The following OCM variants were observed in gnomAD, a reference collection of about 807,000 sequenced individuals.
OCM encodes the protein oncomodulin.
In OCM, 18 loss-of-function variants were observed where a neutral mutation model predicts 14.1. The observed-to-expected ratio is 1.28, with a 90% CI of 0.88 to 1.89. OCM has a LOEUF of 1.89. Among genes scored for constraint, OCM ranks in the 40% most tolerant of loss-of-function variants. OCM has a pLI of 0.00. For missense variants in OCM, 140 were observed against 137.6 expected, an observed-to-expected ratio of 1.02 and a Z score of -0.09; for synonymous variants, 48 against 51.0, an observed-to-expected ratio of 0.94 and a Z score of 0.25.
At chr7:5,869,599 G>T in the OCM span, among the ~76,000 whole-genome samples, 2 of 151,878 alleles carry the variant, frequency 1.3e-5, no homozygotes, top group Non-Finnish European at 2.9e-5. Flanking sequence ...ATCTAAAAAA[G>T]AAAATTTAAA....
the OCM span, among the ~76,000 whole-genome samples, chr7:5,861,375 C>T: frequency 1.3e-5 from 2 of 151,274 alleles, no homozygotes; most frequent in Admixed American, 6.6e-5. Flanking sequence ...GAGCTGAGAT[C>T]GCACCATTGC....
intron 3 of OCM, among the ~76,000 whole-genome samples, chr7:5,885,861 G>A (rs1054505451): frequency 1.3e-5 from 2 of 152,070 alleles, no homozygotes; most frequent in African/African-American, 2.4e-5. Context: ...CACCCGCCTC[G>A]GCCTCCCAAA....
the OCM span, among the ~76,000 whole-genome samples, chr7:5,873,931 C>T: frequency 4.6e-5 from 7 of 151,440 alleles, no homozygotes; most frequent in Non-Finnish European, 7.4e-5. Context: ...ACAAGGGCAG[C>T]CAGGCTGGGC....
chr7:5,882,112 A>G lies in OCM; in HGVS notation c.62-381A>G, dbSNP rs1297440065. Among the ~76,000 whole-genome samples, 60 of 148,092 alleles carry G rather than the reference A, an allele frequency of 4.1e-4. 7 individuals carry two copies. Among genetic ancestry groups the G allele is most frequent in the Middle Eastern group, 3.5e-3 (1 of 288 alleles). ...AAAAAAAAAAAAAAAAAAAAAAAAA[A>G]AAAAAAAGCGCCAAAGGCCATTTAG... On this transcript the variant is annotated intron_variant, in intron 1 of 3. Transcript: ENST00000242104.
chr7:5,864,752 T>C, the OCM span, among the ~76,000 whole-genome samples: 5 of 151,960 alleles, frequency 3.3e-5, no homozygotes, highest in African/African-American at 1.2e-4. Flanking sequence ...GTTGGGAGTT[T>C]GAGACCAGCA....
chr7:5,861,872 C>T, the OCM span, among the ~76,000 whole-genome samples: 1 of 152,052 alleles, frequency 6.6e-6, no homozygotes, highest in African/African-American at 2.4e-5. Flanking sequence ...AGCCACCACA[C>T]TCGGCCTACT....
At chr7:5,877,418 A>C (rs890134677), upstream of OCM, among the ~76,000 whole-genome samples, 2 of 151,426 alleles carry the variant, frequency 1.3e-5, no homozygotes, top group Non-Finnish European at 2.9e-5. Flanking sequence ...CAGTGAGCCG[A>C]GATCACACTA....
chr7:5,878,844 T>C (rs1346892604), upstream of OCM, among the ~76,000 whole-genome samples: 3 of 119,128 alleles, frequency 2.5e-5, no homozygotes, highest in African/African-American at 9.5e-5. Context: ...GTGCTGGCCA[T>C]ATAAAGGCTC....
At chr7:5,874,610 T>C in the OCM span, among the ~76,000 whole-genome samples, 3 of 151,988 alleles carry the variant, frequency 2.0e-5, no homozygotes, top group Non-Finnish European at 2.9e-5. Context: ...GCTTAAGTGA[T>C]CCTCCCACCT....
chr7:5,877,887 C>T (rs189326659), upstream of OCM, among the ~76,000 whole-genome samples: 12 of 146,592 alleles, frequency 8.2e-5, no homozygotes, highest in East Asian at 2.4e-3. Flanking sequence ...AACTTGAGGA[C>T]ATTATACTCA....
upstream of OCM, among the ~76,000 whole-genome samples, chr7:5,877,094 C>T (rs532827301): frequency 2.1e-4 from 32 of 152,272 alleles, no homozygotes; most frequent in African/African-American, 7.7e-4. Flanking sequence ...GCGTGAGCCA[C>T]CACACCCGGC....
chr7:5,870,584 C>T, the OCM span, among the ~76,000 whole-genome samples: 1 of 152,216 alleles, frequency 6.6e-6, no homozygotes, highest in Non-Finnish European at 1.5e-5. Context: ...CAGCACACAT[C>T]TGAAGGCTGG....
At chr7:5,862,638 G>A in the OCM span, among the ~76,000 whole-genome samples, 1 of 152,184 alleles carries the variant, frequency 6.6e-6, no homozygotes, top group Non-Finnish European at 1.5e-5. Context: ...GATTTACTGA[G>A]CTCAAGATGA....
chr7:5,866,942 T>G, the OCM span, among the ~76,000 whole-genome samples: 2 of 152,196 alleles, frequency 1.3e-5, no homozygotes, highest in Non-Finnish European at 2.9e-5. Flanking sequence ...AAAATACATT[T>G]AACGTAGTGC....
the OCM span, among the ~76,000 whole-genome samples, chr7:5,860,581 CGTATATATACGT>C: frequency 3.3e-5 from 2 of 59,846 alleles, 1 homozygote; most frequent in Non-Finnish European, 6.0e-5. Context: ...ATATATATTA[CGTATATATACGT>C]GTATATATAC....
At chr7:5,877,017 G>A (rs1781108955), upstream of OCM, among the ~76,000 whole-genome samples, 1 of 152,078 alleles carries the variant, frequency 6.6e-6, no homozygotes, top group African/African-American at 2.4e-5. Context: ...CGTGGGTCAG[G>A]CTGGTCTTGA....
the OCM span, among the ~76,000 whole-genome samples, chr7:5,860,410 G>A: frequency 9.3e-5 from 12 of 128,550 alleles, no homozygotes; most frequent in Admixed American, 4.7e-4. Flanking sequence ...GTATATATAC[G>A]TATATATATA....
At chr7:5,866,583 T>C in the OCM span, among the ~76,000 whole-genome samples, 1 of 152,106 alleles carries the variant, frequency 6.6e-6, no homozygotes, top group East Asian at 1.9e-4. Flanking sequence ...GTTGACTTAT[T>C]ATATTAAAAA....
At chr7:5,860,515 T>TA in the OCM span, among the ~76,000 whole-genome samples, 1,912 of 123,472 alleles carry the variant, frequency 0.015, 255 homozygotes, top group Non-Finnish European at 0.025. Context: ...TATATATACG[T>TA]GTATATATAC....
Sources: allele counts gnomAD v4.1 joint callset (sites outside exome capture counted in the v4.1 genomes callset), GRCh38; gene constraint gnomAD v4.1.1; transcripts MANE v1.5; gene names NCBI Gene and HGNC (gene_info 2026-07-23, HGNC 2026-07-21).